The following SLC35F3 variants were observed in gnomAD, a reference collection of about 807,000 sequenced individuals.
SLC35F3 encodes putative thiamine transporter SLC35F3.
A neutral mutation model predicts 49.9 loss-of-function variants in SLC35F3; 25 were observed. That is an observed-to-expected ratio of 0.50 (90% CI 0.37 to 0.70). The LOEUF is 0.70. Among genes scored for constraint, SLC35F3 ranks in the 30% least tolerant of loss-of-function variants. The pLI is 0.00. For missense variants in SLC35F3, 525 were observed against 639.8 expected (o/e 0.82, Z 1.94); for synonymous variants, 275 against 265.4 (o/e 1.04, Z -0.35).
At chr1:234,235,737 G>A (rs1272577130) in intron 3 of SLC35F3, among the ~76,000 whole-genome samples, 1 of 152,296 alleles carries the variant, frequency 6.6e-6, no homozygotes, top group East Asian at 1.9e-4. Context: ...CTTTCTGTAA[G>A]CCAGCCAATT....
At chr1:234,035,473 A>G (rs763261454) in intron 2 of SLC35F3, among the ~76,000 whole-genome samples, 8 of 152,156 alleles carry the variant, frequency 5.3e-5, no homozygotes, top group East Asian at 1.9e-4. Context: ...ATTTTCATCT[A>G]TTGGAACACT....
chr1:234,167,897 T>TC (rs1401136211), intron 2 of SLC35F3, among the ~76,000 whole-genome samples: 1 of 152,176 alleles, frequency 6.6e-6, no homozygotes, highest in Non-Finnish European at 1.5e-5. Flanking sequence ...AGACCTGAGG[T>TC]TGGCGCACTT....
chr1:234,289,649 A>T (rs927140393), intron 3 of SLC35F3, among the ~76,000 whole-genome samples: 7 of 152,250 alleles, frequency 4.6e-5, no homozygotes, highest in African/African-American at 1.7e-4. Flanking sequence ...CCAAATTCAC[A>T]TTAGCCAAAC....
chr1:234,088,562 A>C (rs1357855613), intron 2 of SLC35F3, among the ~76,000 whole-genome samples: 2 of 152,198 alleles, frequency 1.3e-5, no homozygotes, highest in African/African-American at 4.8e-5. Context: ...TTTTTTCAGA[A>C]TCTATTGTCA....
intron 3 of SLC35F3, among the ~76,000 whole-genome samples, chr1:234,277,701 C>T (rs1031710448): frequency 1.3e-5 from 2 of 152,194 alleles, no homozygotes; most frequent in African/African-American, 4.8e-5. Flanking sequence ...TCCTATTGTT[C>T]TCTCATCATA....
At chr1:234,199,999 G>A (rs1303910615) in intron 2 of SLC35F3, among the ~76,000 whole-genome samples, 1 of 152,194 alleles carries the variant, frequency 6.6e-6, no homozygotes, top group Admixed American at 6.5e-5. Flanking sequence ...CACGTTTGGT[G>A]AAGGTGCAGA....
At chr1:234,014,370 A>G (rs1391859210) in intron 2 of SLC35F3, among the ~76,000 whole-genome samples, 1 of 152,216 alleles carries the variant, frequency 6.6e-6, no homozygotes, top group Non-Finnish European at 1.5e-5. Flanking sequence ...TGAAAAACCC[A>G]CAGCTAACAC....
intron 2 of SLC35F3, among the ~76,000 whole-genome samples, chr1:233,999,195 C>T (rs1013889405): frequency 6.6e-6 from 1 of 152,164 alleles, no homozygotes; most frequent in Non-Finnish European, 1.5e-5. Context: ...AAGCTGAGGT[C>T]ATCCCACGTT....
At chr1:234,307,924 C>G (rs1657239332) in intron 3 of SLC35F3, among the ~76,000 whole-genome samples, 1 of 152,218 alleles carries the variant, frequency 6.6e-6, no homozygotes, top group African/African-American at 2.4e-5. Context: ...AGTGGCCTTT[C>G]TCCACACCCG....
intron 2 of SLC35F3, among the ~76,000 whole-genome samples, chr1:234,136,264 TTCTTTCTCTC>T (rs1270064424): frequency 5.9e-5 from 9 of 151,870 alleles, no homozygotes; most frequent in Non-Finnish European, 1.2e-4. Flanking sequence ...TTTTCTGTCT[TTCTTTCTCTC>T]TCTTTCTCTC....
chr1:234,115,238 A>C (rs1348435704), intron 2 of SLC35F3, among the ~76,000 whole-genome samples: 1 of 152,158 alleles, frequency 6.6e-6, no homozygotes, highest in Non-Finnish European at 1.5e-5. Flanking sequence ...TCACTTTCCA[A>C]GTACTCATCG....
At position 233,923,972 on chromosome 1, in the gene SLC35F3, C is replaced by G. The variant is rs940119896; in HGVS notation, c.283+18214C>G. 6.4e-4 allele frequency among the ~76,000 whole-genome samples: 97 copies of G among 152,230 alleles called. 1 individual carries two copies. Among genetic ancestry groups the G allele is most frequent in the African/African-American group, 2.3e-3 (94 of 41,536 alleles). ...TGTTGATTTGTGTATGTTGAACAAGCCTTGCTTCCCAGGGATGAAGCCAAC... is the reference window on the plus strand; with the variant it reads ...TGTTGATTTGTGTATGTTGAACAAGGCTTGCTTCCCAGGGATGAAGCCAAC... On this transcript the variant is annotated intron_variant, in intron 2 of 7. Transcript: ENST00000366618.
At chr1:233,962,913 G>C (rs923038344) in intron 2 of SLC35F3, among the ~76,000 whole-genome samples, 1 of 152,310 alleles carries the variant, frequency 6.6e-6, no homozygotes, top group Non-Finnish European at 1.5e-5. Context: ...CACGGACCTT[G>C]TAATGAAGAA....
At chr1:234,032,579 C>T (rs560394133) in intron 2 of SLC35F3, among the ~76,000 whole-genome samples, 2 of 152,294 alleles carry the variant, frequency 1.3e-5, no homozygotes, top group East Asian at 3.9e-4. Context: ...CATAGATTAG[C>T]TCCCAATTAC....
intron 3 of SLC35F3, among the ~76,000 whole-genome samples, chr1:234,263,800 C>G (rs891091398): frequency 9.2e-5 from 14 of 152,138 alleles, no homozygotes; most frequent in African/African-American, 3.1e-4. Context: ...TTAGAATCAC[C>G]AGGGGAGCTT....
chr1:234,224,034 A>C (rs1180876443), intron 2 of SLC35F3, among the ~76,000 whole-genome samples: 1 of 149,918 alleles, frequency 6.7e-6, no homozygotes, highest in Admixed American at 6.6e-5. Flanking sequence ...TTATGACCTC[A>C]TTTAACCTTT....
In SLC35F3 at chr1:234,324,007, T is replaced by C. The variant is rs1657696672; in HGVS notation, c.*764T>C. 6.6e-6 allele frequency: 1 copy of C among 152,290 alleles called. No homozygotes were observed. The highest frequency in any genetic ancestry group is 2.1e-4 in the South Asian group (1 of 4,836). The allele number at this position is 152,290 out of a possible 1,614,324, so 9.4% of individuals were successfully genotyped here. On this transcript the variant is annotated 3_prime_UTR_variant, in exon 8 of 8. Coordinates refer to ENST00000366618, the MANE Select transcript of SLC35F3 (RefSeq NM_173508.4). ...CTTATAATTTAGATGTAAAAATCTTTAGAAACAAATAAAACTCTCTATATA... is the reference window on the plus strand; with the variant it reads ...CTTATAATTTAGATGTAAAAATCTTCAGAAACAAATAAAACTCTCTATATA...
intron 2 of SLC35F3, among the ~76,000 whole-genome samples, chr1:233,972,836 T>A (rs1332204974): frequency 1.3e-5 from 2 of 152,208 alleles, no homozygotes; most frequent in East Asian, 3.8e-4. Context: ...ATTTTAGAGA[T>A]GAGAAATGTA....
intron 2 of SLC35F3, among the ~76,000 whole-genome samples, chr1:234,152,663 T>C (rs1427153159): frequency 1.3e-5 from 2 of 152,236 alleles, no homozygotes; most frequent in Non-Finnish European, 2.9e-5. Context: ...GTCTTTGCTA[T>C]TGTGAACAGT....
Sources: allele counts gnomAD v4.1 joint callset (sites outside exome capture counted in the v4.1 genomes callset), GRCh38; gene constraint gnomAD v4.1.1; transcripts MANE v1.5; gene names NCBI Gene and HGNC (gene_info 2026-07-23, HGNC 2026-07-21).